Variants in RIPOR2 observed in about 807,000 individuals in gnomAD.
RIPOR2 encodes the protein RHO family interacting cell polarization regulator 2.
A neutral mutation model predicts 114.5 loss-of-function variants in RIPOR2; 39 were observed. That is an observed-to-expected ratio of 0.34 (90% CI 0.26 to 0.44). The LOEUF (loss-of-function observed/expected upper bound fraction) is 0.44. RIPOR2 is among the 20% of genes least tolerant of loss of function. The pLI is 1.00. For missense variants in RIPOR2, 1,007 were observed against 1,255.1 expected (o/e 0.80, Z 2.99); for synonymous variants, 445 against 484.4 (o/e 0.92, Z 1.07).
At chr6:24,940,685 G>T (rs575747557), upstream of RIPOR2, among the ~76,000 whole-genome samples, 4 of 151,722 alleles carry the variant, frequency 2.6e-5, no homozygotes, top group South Asian at 8.3e-4. Context: ...TGTCTCTGTC[G>T]CTCAGGCTGG....
intron 15 of RIPOR2, among the ~76,000 whole-genome samples, chr6:24,832,699 G>T (rs1038822106): frequency 6.6e-6 from 1 of 152,162 alleles, no homozygotes; most frequent in East Asian, 1.9e-4. Context: ...CCTTTGAAAC[G>T]TGAGGGGCAG....
At chr6:24,854,754 G>A (rs1405666046) in intron 8 of RIPOR2, among the ~76,000 whole-genome samples, 2 of 152,048 alleles carry the variant, frequency 1.3e-5, no homozygotes, top group Admixed American at 6.6e-5. Flanking sequence ...CAGGCTGGAC[G>A]TGGTGGCTCA....
At chr6:24,929,708 T>C (rs781514858) in intron 1 of RIPOR2, among the ~76,000 whole-genome samples, 22 of 152,206 alleles carry the variant, frequency 1.4e-4, no homozygotes, top group Non-Finnish European at 2.9e-4. Flanking sequence ...GGCAGATAAT[T>C]AGTAGACAAA....
chr6:24,981,058 T>G (rs1412191633), intron 1 of RIPOR2, among the ~76,000 whole-genome samples: 3 of 152,250 alleles, frequency 2.0e-5, no homozygotes, highest in African/African-American at 7.2e-5. Context: ...TTCTTTTCTA[T>G]GTTGCCACTG....
Position 25,008,692 on chromosome 6 carries a change from A to G in RIPOR2, c.76+33159T>C, listed in dbSNP as rs185293865. Among the ~76,000 whole-genome samples, 31 of 152,366 alleles carry G rather than the reference A, an allele frequency of 2.0e-4. No individual in the cohort carries two copies. In the East Asian group the frequency reaches 6.0e-3, roughly 29 times the overall value. On this transcript the variant is annotated intron_variant, in intron 1 of 13. Coordinates refer to the RIPOR2 transcript ENST00000510784. ...ATAAGAGATTTCAGATATGAAAGGG[A>G]GCAGGAGATGATTTCCAAAGAAAGT...
At chr6:24,818,931 G>GTA (rs1219853783) in intron 19 of RIPOR2, among the ~76,000 whole-genome samples, 1 of 151,784 alleles carries the variant, frequency 6.6e-6, no homozygotes. Flanking sequence ...TTTAAACCAA[G>GTA]TAACGAGGAA....
intron 9 of RIPOR2, among the ~76,000 whole-genome samples, chr6:24,851,188 C>T (rs528339837): frequency 2.4e-4 from 37 of 152,280 alleles, no homozygotes; most frequent in African/African-American, 8.7e-4. Flanking sequence ...AGCCACTGTG[C>T]CTGGCCCGAG....
At chr6:25,030,233 G>A (rs1329736064) in intron 1 of RIPOR2, among the ~76,000 whole-genome samples, 3 of 152,132 alleles carry the variant, frequency 2.0e-5, no homozygotes, top group East Asian at 1.9e-4. Context: ...TAGGGTTGAC[G>A]ACTGGCCTAA....
chr6:24,825,397 T>G lies in RIPOR2; in HGVS notation c.2697A>C (p.Arg899Ser), dbSNP rs1235192767. Residue 899 changes from arginine to serine, a missense_variant, in exon 19 of 22, where the codon AGA becomes AGC. Transcript: ENST00000643898. Reference protein sequence around the residue: ...VSMVQTLQSLRDEKLLQTMSD... With the variant: ...VSMVQTLQSLSDEKLLQTMSD... Reference sequence around the variant, plus strand: ...TCATGGTTTGTAGCAGTTTTTCATCTCTTAGTGATTGCAGAGTCTGAACCA... The same window carrying G: ...TCATGGTTTGTAGCAGTTTTTCATCGCTTAGTGATTGCAGAGTCTGAACCA... 8.4e-6 allele frequency: 13 copies of G among 1,552,092 alleles called. No homozygotes were observed. The highest frequency in any genetic ancestry group is 1.1e-5 in the Non-Finnish European group (13 of 1,147,064).
Position 24,806,097 on chromosome 6 carries a change from A to C in RIPOR2, c.*276T>G. 2.7e-6 allele frequency: 1 copy of C among 367,624 alleles called. No homozygotes were observed. The highest frequency in any genetic ancestry group is 4.9e-6 in the Non-Finnish European group (1 of 204,404). 22.8% of individuals were successfully genotyped at this position (367,624 alleles called of 1,614,324 possible). Reference sequence around the variant, plus strand: ...CCCAAGTAGCTGGGACTACAGGTGCATGCCACCACGCCTGACTAATTAAAC... The same window carrying C: ...CCCAAGTAGCTGGGACTACAGGTGCCTGCCACCACGCCTGACTAATTAAAC... On this transcript the variant is annotated 3_prime_UTR_variant, in exon 22 of 22. Coordinates refer to ENST00000643898, the MANE Select transcript of RIPOR2 (RefSeq NM_001286445.3).
chr6:24,971,681 G>C (rs552377100), intron 1 of RIPOR2, among the ~76,000 whole-genome samples: 1 of 152,212 alleles, frequency 6.6e-6, no homozygotes, highest in Non-Finnish European at 1.5e-5. Flanking sequence ...TGAACATTTA[G>C]GGCTCTGTGT....
At chr6:24,906,544 G>A (rs1255057457) in intron 1 of RIPOR2, among the ~76,000 whole-genome samples, 2 of 152,134 alleles carry the variant, frequency 1.3e-5, no homozygotes, top group Non-Finnish European at 1.5e-5. Context: ...AGGTGTCTAT[G>A]GGGCAAACCA....
chr6:25,021,443 G>C (rs1320202320), intron 1 of RIPOR2, among the ~76,000 whole-genome samples: 1 of 152,200 alleles, frequency 6.6e-6, no homozygotes, highest in East Asian at 1.9e-4. Flanking sequence ...ATTCACGATG[G>C]AATACTACTC....
intron 1 of RIPOR2, among the ~76,000 whole-genome samples, chr6:24,932,880 A>C (rs1002768253): frequency 2.0e-5 from 3 of 152,208 alleles, no homozygotes; most frequent in African/African-American, 7.2e-5. Flanking sequence ...GTATGCGTGA[A>C]TCCTAGAACA....
At chr6:24,897,303 A>T (rs1298329021) in intron 1 of RIPOR2, among the ~76,000 whole-genome samples, 2 of 152,248 alleles carry the variant, frequency 1.3e-5, no homozygotes, top group African/African-American at 4.8e-5. Context: ...ATTTGGCAGG[A>T]TGAGTTTATT....
At chr6:24,839,593 T>G in intron 13 of RIPOR2, 1 of 1,533,472 alleles carries the variant, frequency 6.5e-7, no homozygotes, top group Non-Finnish European at 8.8e-7. Flanking sequence ...GAGGATCTTC[T>G]CTACTTCTGT....
At chr6:25,003,423 T>TATTATTATTATTATCATC (rs769816451) in intron 1 of RIPOR2, among the ~76,000 whole-genome samples, 1 of 137,796 alleles carries the variant, frequency 7.3e-6, no homozygotes, top group Non-Finnish European at 1.6e-5. Flanking sequence ...TTATTATTAT[T>TATTATTATTATTATCATC]ATCATCTCCT....
At chr6:25,041,992 G>A in exon 1 of RIPOR2, 1 of 629,186 alleles carries the variant, frequency 1.6e-6, no homozygotes, top group Non-Finnish European at 2.8e-6. Flanking sequence ...CAGCTATCCT[G>A]GAAGTTAAGT....
chr6:24,891,412 C>T (rs1420050979), intron 1 of RIPOR2, among the ~76,000 whole-genome samples: 1 of 151,824 alleles, frequency 6.6e-6, no homozygotes, highest in South Asian at 2.1e-4. Flanking sequence ...AGATTATTAA[C>T]AAAACAGAAT....
Sources: allele counts gnomAD v4.1 joint callset (sites outside exome capture counted in the v4.1 genomes callset), GRCh38; gene constraint gnomAD v4.1.1; transcripts MANE v1.5; gene names NCBI Gene and HGNC (gene_info 2026-07-23, HGNC 2026-07-21).